The following GPC5 variants were observed in gnomAD, a reference collection of about 807,000 sequenced individuals.
GPC5 encodes glypican 5, also known as glypican-5.
GPC5 carries 47 observed loss-of-function variants against 53.9 expected under a neutral mutation model. That is an observed-to-expected ratio of 0.87 (90% CI 0.69 to 1.11). The LOEUF is 1.11. GPC5 is among the 50% of genes most tolerant of loss of function. GPC5 has a pLI of 0.00. For synonymous variants in GPC5, 286 were observed against 263.3 expected, an observed-to-expected ratio of 1.09 and a Z score of -0.84; for missense variants, 748 against 713.1, an observed-to-expected ratio of 1.05 and a Z score of -0.56.
chr13:91,832,637 C>T lies in GPC5; in HGVS notation c.1281-75300C>T, dbSNP rs181648050. ...AGATACTGGTTGTTCCTCTCCTGAACGACTACTGGGTAAATAATGAAACTA... is the reference window on the plus strand; with the variant it reads ...AGATACTGGTTGTTCCTCTCCTGAATGACTACTGGGTAAATAATGAAACTA... On this transcript the variant is annotated intron_variant, in intron 5 of 7. Transcript: ENST00000377067. Among the ~76,000 whole-genome samples, 398 of 151,652 alleles carry T rather than the reference C, an allele frequency of 2.6e-3. 4 individuals are homozygous for T. The highest frequency in any genetic ancestry group is 8.1e-3 in the African/African-American group (337 of 41,396).
chr13:91,861,543 C>T (rs549647281), intron 5 of GPC5, among the ~76,000 whole-genome samples: 3 of 151,988 alleles, frequency 2.0e-5, no homozygotes, highest in Non-Finnish European at 2.9e-5. Context: ...CTTCCTAATG[C>T]TTGTTGTGTA....
At chr13:92,443,646 A>G (rs1310051799) in intron 7 of GPC5, among the ~76,000 whole-genome samples, 2 of 152,218 alleles carry the variant, frequency 1.3e-5, no homozygotes, top group Non-Finnish European at 2.9e-5. Flanking sequence ...TTCAAGGTAT[A>G]ATGAGAGTGA....
intron 7 of GPC5, among the ~76,000 whole-genome samples, chr13:92,319,129 A>C (rs557395099): frequency 6.6e-6 from 1 of 152,266 alleles, no homozygotes; most frequent in African/African-American, 2.4e-5. Flanking sequence ...GGGCAGCAGT[A>C]TAAACATCCA....
intron 7 of GPC5, among the ~76,000 whole-genome samples, chr13:92,858,550 A>G (rs1290121064): frequency 6.6e-6 from 1 of 152,182 alleles, no homozygotes; most frequent in Non-Finnish European, 1.5e-5. Context: ...AGGTGAATCA[A>G]TGCAGAAACA....
At chr13:92,221,101 T>C (rs1055134927) in intron 7 of GPC5, among the ~76,000 whole-genome samples, 5 of 152,172 alleles carry the variant, frequency 3.3e-5, no homozygotes, top group African/African-American at 1.2e-4. Context: ...ACTCAACTCA[T>C]GGCAAAAGCT....
At chr13:92,733,068 A>T (rs997703586) in intron 7 of GPC5, among the ~76,000 whole-genome samples, 4 of 151,712 alleles carry the variant, frequency 2.6e-5, no homozygotes, top group Non-Finnish European at 5.9e-5. Flanking sequence ...CAATTGAAGG[A>T]TTCTTTATTT....
chr13:91,614,776 C>T (rs1225818786), intron 2 of GPC5, among the ~76,000 whole-genome samples: 3 of 152,146 alleles, frequency 2.0e-5, no homozygotes, highest in East Asian at 3.9e-4. Flanking sequence ...GAAGCTTTCA[C>T]CGATGTTTAT....
intron 7 of GPC5, among the ~76,000 whole-genome samples, chr13:92,473,780 T>C (rs534594962): frequency 6.6e-6 from 1 of 152,248 alleles, no homozygotes; most frequent in South Asian, 2.1e-4. Context: ...CTCTATTGCA[T>C]TAGAAGTATA....
chr13:92,210,304 A>G (rs2139073448), intron 7 of GPC5, among the ~76,000 whole-genome samples: 1 of 152,258 alleles, frequency 6.6e-6, no homozygotes, highest in African/African-American at 2.4e-5. Context: ...TCTTTTTTAT[A>G]GTGGATTCTG....
intron 7 of GPC5, among the ~76,000 whole-genome samples, chr13:92,657,802 A>C (rs1004357363): frequency 1.3e-5 from 2 of 151,962 alleles, no homozygotes; most frequent in African/African-American, 4.8e-5. Context: ...TTTACTTCTA[A>C]GGTTACATTC....
intron 5 of GPC5, among the ~76,000 whole-genome samples, chr13:91,771,224 C>T (rs1008253284): frequency 6.6e-6 from 1 of 152,134 alleles, no homozygotes; most frequent in Non-Finnish European, 1.5e-5. Context: ...AAAATTCTCA[C>T]CCTCAATGTT....
chr13:92,044,570 T>A (rs1397426473), intron 6 of GPC5, among the ~76,000 whole-genome samples: 1 of 152,234 alleles, frequency 6.6e-6, no homozygotes, highest in African/African-American at 2.4e-5. Flanking sequence ...TGCACTACGA[T>A]ATCTGATTGG....
At chr13:91,582,177 A>G (rs1274887918) in intron 2 of GPC5, among the ~76,000 whole-genome samples, 1 of 150,292 alleles carries the variant, frequency 6.7e-6, no homozygotes, top group Non-Finnish European at 1.5e-5. Context: ...TTAGACTCCA[A>G]AGATCTTGTC....
chr13:91,958,382 T>C (rs1351417260), intron 6 of GPC5, among the ~76,000 whole-genome samples: 3 of 152,040 alleles, frequency 2.0e-5, no homozygotes, highest in African/African-American at 4.8e-5. Context: ...CCCAGATATT[T>C]AAAGTATATT....
At chr13:92,540,984 T>A (rs1881913490) in intron 7 of GPC5, among the ~76,000 whole-genome samples, 1 of 151,774 alleles carries the variant, frequency 6.6e-6, no homozygotes, top group African/African-American at 2.4e-5. Context: ...ACATAAACAC[T>A]CATAGAACTC....
At chr13:92,398,182 C>A (rs1299013032) in intron 7 of GPC5, among the ~76,000 whole-genome samples, 1 of 151,788 alleles carries the variant, frequency 6.6e-6, no homozygotes, top group Non-Finnish European at 1.5e-5. Flanking sequence ...GTAATCCCAG[C>A]ACTTTGGGAG....
intron 7 of GPC5, among the ~76,000 whole-genome samples, chr13:92,403,602 C>A (rs1875657889): frequency 1.3e-5 from 2 of 152,206 alleles, no homozygotes; most frequent in African/African-American, 4.8e-5. Context: ...CATCCCCCAA[C>A]AGTCTGTGGA....
chr13:91,874,856 A>G (rs1291824084), intron 5 of GPC5, among the ~76,000 whole-genome samples: 1 of 152,156 alleles, frequency 6.6e-6, no homozygotes, highest in Non-Finnish European at 1.5e-5. Context: ...CCTACACCAT[A>G]TCCTAGCTGT....
chr13:92,037,071 C>T (rs889283312), intron 6 of GPC5, among the ~76,000 whole-genome samples: 9 of 152,072 alleles, frequency 5.9e-5, no homozygotes, highest in African/African-American at 1.9e-4. Flanking sequence ...CAATGATTTC[C>T]CATTATGCTC....
Sources: gnomAD v4.1 joint callset for allele counts (sites outside exome capture counted in the v4.1 genomes callset) on GRCh38, gnomAD v4.1.1 for gene constraint, MANE v1.5 for transcripts, NCBI Gene and HGNC (gene_info 2026-07-23, HGNC 2026-07-21) for gene names.